The following USP54 variants were observed in gnomAD, a reference collection of about 807,000 sequenced individuals.
The protein encoded by USP54 is ubiquitin specific peptidase 54, also known as ubiquitin carboxyl-terminal hydrolase 54.
A neutral mutation model predicts 170.5 loss-of-function variants in USP54; 87 were observed. That is an observed-to-expected ratio of 0.51 (90% confidence interval 0.43 to 0.61). The LOEUF (loss-of-function observed/expected upper bound fraction) is 0.61. USP54 is among the 20% of genes least tolerant of loss of function. USP54 has a pLI of 0.00. For missense variants in USP54, 1,786 were observed against 2,047.8 expected (o/e 0.87, Z 2.47); for synonymous variants, 655 against 742.8 (o/e 0.88, Z 1.92).
At chr10:73,557,526 G>A (rs1211050190) in intron 4 of USP54, among the ~76,000 whole-genome samples, 6 of 145,806 alleles carry the variant, frequency 4.1e-5, no homozygotes, top group Admixed American at 6.9e-5. Context: ...TCACTCTGTC[G>A]CCAGGCTGCA....
intron 20 of USP54, among the ~76,000 whole-genome samples, chr10:73,514,291 G>C (rs547911550): frequency 6.6e-6 from 1 of 152,194 alleles, no homozygotes; most frequent in East Asian, 1.9e-4. Flanking sequence ...GGCCTGGCAC[G>C]GTGGCTCACG....
intron 14 of USP54, 87 bp from the exon 15 acceptor site, chr10:73,529,998 T>C (rs1030330353): frequency 4.0e-5 from 60 of 1,488,580 alleles, no homozygotes; most frequent in Non-Finnish European, 5.2e-5. Flanking sequence ...TCCCTCTAGC[T>C]ACTTATTCAC....
Position 73,523,655 on chromosome 10 carries a change from C to T in USP54, c.2290G>A (p.Glu764Lys). 6.2e-7 allele frequency: 1 copy of T among 1,613,878 alleles called. No individual in the cohort carries two copies. The highest frequency in any genetic ancestry group is 8.5e-7 in the Non-Finnish European group (1 of 1,179,862). ...EQELRRKREK[E>K]LEAAKGFNPH... ...TTAAACCCTTTCGCTGCCTCTAACT[C>T]CTTCTCCCGTTTTCTTCGAAGTTCC... Residue 764 changes from glutamate to lysine, a missense_variant, in exon 17 of 24, where the codon GAG (glutamate) becomes AAG (lysine). Transcript: ENST00000687698.
chr10:73,561,029 C>T (rs186720280), intron 4 of USP54, among the ~76,000 whole-genome samples: 4 of 145,700 alleles, frequency 2.7e-5, no homozygotes, highest in Admixed American at 7.2e-5. Context: ...CGCTTGAACC[C>T]GGGAGGCAGA....
At chr10:73,615,853 G>A (rs1323213407) in intron 1 of USP54, among the ~76,000 whole-genome samples, 2 of 144,100 alleles carry the variant, frequency 1.4e-5, no homozygotes, top group Non-Finnish European at 3.0e-5. Context: ...TTGGGAAATT[G>A]AGGCTGTAGT....
At chr10:73,543,516 G>A (rs896861804) in intron 5 of USP54, among the ~76,000 whole-genome samples, 31 of 151,876 alleles carry the variant, frequency 2.0e-4, no homozygotes, top group African/African-American at 6.0e-4. Flanking sequence ...ACAGGCGCCC[G>A]CCACCACGCC....
At chr10:73,553,912 T>C in intron 4 of USP54, among the ~76,000 whole-genome samples, 1 of 152,214 alleles carries the variant, frequency 6.6e-6, no homozygotes. Flanking sequence ...TCCCCACCCA[T>C]CTCTCTTGAT....
intron 4 of USP54, among the ~76,000 whole-genome samples, chr10:73,549,453 T>C (rs551408788): frequency 6.6e-6 from 1 of 152,300 alleles, no homozygotes; most frequent in South Asian, 2.1e-4. Flanking sequence ...GTTTTATGTT[T>C]CCTCCCAACA....
intron 1 of USP54, among the ~76,000 whole-genome samples, chr10:73,598,598 G>A (rs2078921409): frequency 6.6e-6 from 1 of 151,954 alleles, no homozygotes; most frequent in Non-Finnish European, 1.5e-5. Context: ...CCAATATGGT[G>A]AAACCCAATC....
At chr10:73,599,955 G>A (rs905318925) in intron 1 of USP54, among the ~76,000 whole-genome samples, 5 of 147,190 alleles carry the variant, frequency 3.4e-5, no homozygotes, top group Non-Finnish European at 5.9e-5. Flanking sequence ...AGGCTGGAGT[G>A]CAATGGCGTG....
At chr10:73,504,370 C>G in intron 22 of USP54, 1 of 169,208 alleles carries the variant, frequency 5.9e-6, no homozygotes, top group South Asian at 1.5e-4. Flanking sequence ...CATTACTGCA[C>G]TAGTACCATA....
chr10:73,498,358 C>G lies in USP54; in HGVS notation c.*271G>C, dbSNP rs758173085. The G allele has an allele frequency of 1.4e-5, 3 of 215,772 alleles. No homozygotes were observed. The highest frequency in any genetic ancestry group is 2.3e-5 in the African/African-American group (1 of 43,584). The allele number at this position is 215,772 out of a possible 1,614,324, so 13.4% of individuals were successfully genotyped here. ...TGGTGCGATCTCGGCTCACTGCAAC[C>G]TCTGCCTCCCGGGTTCAAGCAATTC... On this transcript the variant is annotated 3_prime_UTR_variant, in exon 24 of 24. Transcript: ENST00000687698.
intron 1 of USP54, among the ~76,000 whole-genome samples, chr10:73,610,196 T>A (rs2080026315): frequency 6.6e-6 from 1 of 151,874 alleles, no homozygotes; most frequent in South Asian, 2.1e-4. Flanking sequence ...AAAATAAAAA[T>A]AAAAAAACTT....
chr10:73,599,083 A>G (rs1361895175), intron 1 of USP54, among the ~76,000 whole-genome samples: 1 of 152,234 alleles, frequency 6.6e-6, no homozygotes, highest in East Asian at 1.9e-4. Flanking sequence ...CGTCTCAAAA[A>G]AAATAAAATA....
chr10:73,599,173 G>T (rs2078976740), intron 1 of USP54, among the ~76,000 whole-genome samples: 1 of 152,176 alleles, frequency 6.6e-6, no homozygotes, highest in African/African-American at 2.4e-5. Context: ...ATGATCAGTG[G>T]ATACAGTTAT....
intron 4 of USP54, among the ~76,000 whole-genome samples, chr10:73,553,526 C>T (rs1254215108): frequency 2.6e-5 from 4 of 152,160 alleles, no homozygotes; most frequent in African/African-American, 9.7e-5. Flanking sequence ...ACCCTCCTCC[C>T]ACCTTTCCCA....
intron 1 of USP54, among the ~76,000 whole-genome samples, chr10:73,589,136 C>T (rs2077901688): frequency 6.6e-6 from 1 of 152,212 alleles, no homozygotes; most frequent in South Asian, 2.1e-4. Flanking sequence ...AACAAATGCT[C>T]ATTCCTTGTT....
rs368216335 is a variant in USP54 at position 73,542,730 on chromosome 10, C to CAAA, written c.572+70_572+72dup. ...TGGGCAACAGAGCGAGACTCTGTCT[C>CAAA]AAAAAAAAAAAAAAAAGTCCAATCA... On this transcript the variant is annotated intron_variant, in intron 7 of 23. Transcript: ENST00000687698. 590 of 1,191,354 alleles carry CAAA rather than the reference C, an allele frequency of 5.0e-4. 1 individual carries two copies. In the African/African-American group the frequency reaches 6.3e-3, roughly 13 times the overall value. 73.8% of individuals were successfully genotyped at this position (1,191,354 alleles called of 1,614,324 possible).
chr10:73,592,020 A>G (rs1589350184), upstream of USP54, among the ~76,000 whole-genome samples: 1 of 152,196 alleles, frequency 6.6e-6, no homozygotes, highest in African/African-American at 2.4e-5. Flanking sequence ...TCAACCCCAA[A>G]GTCCACAACA....
Sources: allele counts gnomAD v4.1 joint callset (sites outside exome capture counted in the v4.1 genomes callset), GRCh38; gene constraint gnomAD v4.1.1; transcripts MANE v1.5; gene names NCBI Gene and HGNC (gene_info 2026-07-23, HGNC 2026-07-21).